CADPS2: variants seen among roughly 807,000 people sequenced by gnomAD.
CADPS2 encodes the protein calcium-dependent secretion activator 2.
A neutral mutation model predicts 172.5 loss-of-function variants in CADPS2; 93 were observed. The ratio of observed to expected loss-of-function variants is 0.54; its 90% CI spans 0.46 to 0.64. The LOEUF (loss-of-function observed/expected upper bound fraction) is 0.64. CADPS2 is among the 30% of genes least tolerant of loss of function. The pLI, the probability that CADPS2 is intolerant of heterozygous loss-of-function variation, is 0.00. For missense variants in CADPS2, 1,420 were observed against 1,565.9 expected, an observed-to-expected ratio of 0.91 and a Z score of 1.57; for synonymous variants, 546 against 555.2, an observed-to-expected ratio of 0.98 and a Z score of 0.23.
intron 6 of CADPS2, among the ~76,000 whole-genome samples, chr7:122,603,906 T>C (rs1317673566): frequency 6.6e-6 from 1 of 152,160 alleles, no homozygotes; most frequent in Admixed American, 6.5e-5. Flanking sequence ...GGAAATGAGA[T>C]GTTGATCAAA....
chr7:122,757,059 A>G (rs1228970142), intron 1 of CADPS2, among the ~76,000 whole-genome samples: 2 of 149,880 alleles, frequency 1.3e-5, no homozygotes, highest in East Asian at 1.9e-4. Context: ...GCAGACCTGT[A>G]TATTACACAA....
chr7:122,361,855 C>T (rs2040192255), intron 25 of CADPS2, among the ~76,000 whole-genome samples: 1 of 151,988 alleles, frequency 6.6e-6, no homozygotes, highest in Non-Finnish European at 1.5e-5. Context: ...GGGCGGATCG[C>T]CTGAGGTCAG....
intron 1 of CADPS2, among the ~76,000 whole-genome samples, chr7:122,827,308 G>T (rs1369755633): frequency 6.6e-6 from 1 of 152,012 alleles, no homozygotes; most frequent in African/African-American, 2.4e-5. Flanking sequence ...ATCCAAAAAA[G>T]AAAATCTCCA....
intron 8 of CADPS2, among the ~76,000 whole-genome samples, chr7:122,522,304 G>T (rs546182398): frequency 9.2e-5 from 14 of 151,746 alleles, no homozygotes. Context: ...TGGTAGAGAC[G>T]GGGTTTCACC....
intron 2 of CADPS2, among the ~76,000 whole-genome samples, chr7:122,713,143 C>A (rs2089029097): frequency 6.6e-6 from 1 of 152,066 alleles, no homozygotes. Flanking sequence ...CACAAAGTTT[C>A]CTTCATTCAG....
intron 19 of CADPS2, among the ~76,000 whole-genome samples, chr7:122,410,281 T>C (rs1228984961): frequency 6.6e-6 from 1 of 151,782 alleles, no homozygotes; most frequent in Non-Finnish European, 1.5e-5. Flanking sequence ...GAGGTGAAGG[T>C]TGCAGTAAGC....
chr7:122,834,645 G>A (rs950385349), intron 1 of CADPS2, among the ~76,000 whole-genome samples: 26 of 152,276 alleles, frequency 1.7e-4, no homozygotes, highest in African/African-American at 4.3e-4. Context: ...TATATACGGC[G>A]CCTGGCTTGG....
chr7:122,873,425 G>A (rs1293989305), intron 1 of CADPS2, among the ~76,000 whole-genome samples: 3 of 152,060 alleles, frequency 2.0e-5, no homozygotes, highest in African/African-American at 7.2e-5. Flanking sequence ...GCAGTGTTTG[G>A]TTTTCTATTC....
intron 28 of CADPS2, among the ~76,000 whole-genome samples, chr7:122,333,891 A>T (rs1445130937): frequency 1.8e-5 from 2 of 112,972 alleles, no homozygotes; most frequent in East Asian, 2.1e-4. Context: ...ATATAAATTT[A>T]TATATATATA....
chr7:122,347,816 T>C (rs12671364), intron 27 of CADPS2, among the ~76,000 whole-genome samples: 32,037 of 152,132 alleles, frequency 0.21, 3,919 homozygotes, highest in East Asian at 0.45. Flanking sequence ...TTACTACTAT[T>C]AATACTTGAA....
intron 3 of CADPS2, among the ~76,000 whole-genome samples, chr7:122,639,892 A>G (rs1046921499): frequency 3.9e-5 from 6 of 152,292 alleles, no homozygotes; most frequent in South Asian, 4.1e-4. Flanking sequence ...TATGATCATA[A>G]GCAGCATCTA....
chr7:122,388,516 T>C, intron 23 of CADPS2, 67 bp downstream of exon 23: 1 of 1,422,094 alleles, frequency 7.0e-7, no homozygotes, highest in South Asian at 1.5e-5. Flanking sequence ...ATATATTAGG[T>C]ACTTGATAAA....
chr7:122,663,256 A>G lies in CADPS2; in HGVS notation c.767T>C (p.Leu256Pro), dbSNP rs1356374585. 1 of 1,611,966 alleles carries G rather than the reference A, an allele frequency of 6.2e-7. No homozygotes were observed. Among genetic ancestry groups the G allele is most frequent in the African/African-American group, 1.3e-5 (1 of 74,882 alleles). The change falls in exon 3 of 30, where the codon CTC (leucine) becomes CCC (proline). Residue 256 changes from leucine (L) to proline (P), a missense_variant. Transcript: ENST00000449022. ...ACTTACCTGACATGCATTATAAAGGAGCTGGTGTTCCAGTTTTTTAATACC... is the reference window on the plus strand; with the variant it reads ...ACTTACCTGACATGCATTATAAAGGGGCTGGTGTTCCAGTTTTTTAATACC... ...ILGIKKLEHQLLYNACQLDNA... is the reference protein window; with the variant it reads ...ILGIKKLEHQPLYNACQLDNA...
At chr7:122,785,000 T>C (rs1793680772) in intron 1 of CADPS2, among the ~76,000 whole-genome samples, 1 of 152,178 alleles carries the variant, frequency 6.6e-6, no homozygotes. Context: ...ATTTTTCCCC[T>C]CAAGATTTCT....
At chr7:122,562,974 A>G (rs370151044) in intron 7 of CADPS2, among the ~76,000 whole-genome samples, 1 of 152,172 alleles carries the variant, frequency 6.6e-6, no homozygotes, top group South Asian at 2.1e-4. Context: ...TTCAAGTTCC[A>G]CACAACCTAA....
intron 1 of CADPS2, among the ~76,000 whole-genome samples, chr7:122,865,814 C>T (rs1818164201): frequency 6.6e-6 from 1 of 152,180 alleles, no homozygotes; most frequent in East Asian, 1.9e-4. Flanking sequence ...AATGTGAGAA[C>T]ATCTTGGAGG....
At chr7:122,379,174 T>A (rs932414447) in intron 25 of CADPS2, 194 bp downstream of exon 25, 2 of 425,658 alleles carry the variant, frequency 4.7e-6, no homozygotes, top group Non-Finnish European at 4.2e-6. Flanking sequence ...ATTTATTATA[T>A]ACAAAAAAAC....
In CADPS2 at chr7:122,621,693, C is replaced by T. The variant is rs17144625; in HGVS notation, c.892G>A (p.Ala298Thr). The T allele has an allele frequency of 3.2e-3, 5,150 of 1,587,738 alleles. 151 individuals carry two copies. The African/African-American group carries it at 0.062, about 19-fold the overall frequency. The change falls in exon 5 of 30, where the codon GCA (alanine) becomes ACA (threonine). Residue 298 changes from alanine (A) to threonine (T), a missense_variant. Coordinates refer to ENST00000449022, the MANE Select transcript of CADPS2 (RefSeq NM_017954.11). ...ATATACATATTCTCCATATCTTTTGCTATAAATTTGGGGAATTTTCTTTCC... is the reference window on the plus strand; with the variant it reads ...ATATACATATTCTCCATATCTTTTGTTATAAATTTGGGGAATTTTCTTTCC... ...AKERKFPKFIAKDMENMYIEE... is the reference protein window; with the variant it reads ...AKERKFPKFITKDMENMYIEE...
intron 2 of CADPS2, among the ~76,000 whole-genome samples, chr7:122,673,539 G>C (rs1033144067): frequency 1.3e-5 from 2 of 152,118 alleles, no homozygotes; most frequent in African/African-American, 4.8e-5. Context: ...AGATTAGCTA[G>C]ACACAGAGTG....
Sources: allele counts gnomAD v4.1 joint callset (sites outside exome capture counted in the v4.1 genomes callset), GRCh38; gene constraint gnomAD v4.1.1; transcripts MANE v1.5; gene names NCBI Gene and HGNC (gene_info 2026-07-23, HGNC 2026-07-21).